The following NUP214 variants were observed in gnomAD, a reference collection of about 807,000 sequenced individuals.
NUP214 encodes the protein nuclear pore complex protein Nup214.
In NUP214, 79 loss-of-function variants were observed where a neutral mutation model predicts 196.2. The observed-to-expected ratio is 0.40, with a 90% CI of 0.34 to 0.49. The LOEUF is 0.49. Ranked by LOEUF, NUP214 falls within the 20% of genes least tolerant of loss-of-function variation. The pLI, the probability that NUP214 is intolerant of heterozygous loss-of-function variation, is 0.58. For synonymous variants in NUP214, 1,020 were observed against 990.5 expected, an observed-to-expected ratio of 1.03 and a Z score of -0.56; for missense variants, 2,468 against 2,539.0, an observed-to-expected ratio of 0.97 and a Z score of 0.60.
In NUP214 at chr9:131,233,955, C is replaced by T. The variant is rs1834946979; in HGVS notation, c.*468C>T. On this transcript the variant is annotated 3_prime_UTR_variant, in exon 36 of 36. Transcript: ENST00000359428. ...TGAGGCTGAAACTTGGTTATCTCCTCTCCTTGTTCTTTTAGCCATTGTGTA... is the reference window on the plus strand; with the variant it reads ...TGAGGCTGAAACTTGGTTATCTCCTTTCCTTGTTCTTTTAGCCATTGTGTA... 1 of 307,160 alleles carries T rather than the reference C, an allele frequency of 3.3e-6. No homozygotes were observed. The highest frequency in any genetic ancestry group is 5.3e-5 in the South Asian group (1 of 19,042). The allele number at this position is 307,160 out of a possible 1,614,324, so 19.0% of individuals were successfully genotyped here.
At chr9:131,135,135 G>C (rs1257042480) in intron 8 of NUP214, 131 bp downstream of exon 8, 1 of 658,860 alleles carries the variant, frequency 1.5e-6, no homozygotes, top group African/African-American at 1.8e-5. Flanking sequence ...CATTACCCAG[G>C]CTGGAGTGCA....
intron 30 of NUP214, among the ~76,000 whole-genome samples, chr9:131,213,367 G>A (rs558933408): frequency 2.0e-4 from 31 of 152,142 alleles, no homozygotes; most frequent in African/African-American, 7.5e-4. Flanking sequence ...TAGAGACAGG[G>A]TTTCTCCATG....
rs868242347 is a variant in NUP214 at position 131,162,800 on chromosome 9, A to G, written c.2541-191A>G. On this transcript the variant is annotated intron_variant, in intron 18 of 35. Coordinates refer to ENST00000359428, the MANE Select transcript of NUP214 (RefSeq NM_005085.4). ...GCCTGTTTCCAGCTGTTTTCTCCAC[A>G]TTCCATTTTATCTTCATTAGGCTTT... The G allele has an allele frequency of 7.1e-5, 43 of 601,996 alleles. No individual in the cohort carries two copies. In the Middle Eastern group the frequency reaches 1.3e-3, roughly 19 times the overall value. 37.3% of individuals were successfully genotyped at this position (601,996 alleles called of 1,614,324 possible).
At chr9:131,226,979 G>A (rs1044994754) in intron 32 of NUP214, among the ~76,000 whole-genome samples, 3 of 152,144 alleles carry the variant, frequency 2.0e-5, no homozygotes, top group African/African-American at 7.2e-5. Context: ...TTGTCGCTAG[G>A]CCACCATTAC....
intron 17 of NUP214, among the ~76,000 whole-genome samples, chr9:131,155,887 G>C (rs1355018537): frequency 6.6e-6 from 1 of 152,082 alleles, no homozygotes; most frequent in Non-Finnish European, 1.5e-5. Context: ...CTATAGGCTT[G>C]TAGTATAGTT....
intron 30 of NUP214, among the ~76,000 whole-genome samples, chr9:131,212,790 T>A (rs987259622): frequency 3.3e-5 from 5 of 152,224 alleles, no homozygotes; most frequent in Non-Finnish European, 7.3e-5. Context: ...TGGTTTTTTT[T>A]ATAGATTTAT....
Position 131,132,650 on chromosome 9 carries a change from C to T in NUP214, c.718C>T (p.Pro240Ser). The T allele has an allele frequency of 6.2e-7, 1 of 1,613,856 alleles. No homozygotes were observed. ...PCPPFYESDH[P>S]VRVLDVLWIG... Reference sequence around the variant, plus strand: ...TCCTCCGTTTTATGAGTCAGATCATCCTGTCAGAGGTAACAACTGCTTTTC... The same window carrying T: ...TCCTCCGTTTTATGAGTCAGATCATTCTGTCAGAGGTAACAACTGCTTTTC... The change falls in exon 6 of 36, where the codon CCT (proline) becomes TCT (serine). Residue 240 changes from proline (P) to serine (S), a missense_variant. Physicochemically the swap from Pro to Ser is moderately conservative, Grantham distance 74. Transcript: ENST00000359428.
intron 30 of NUP214, among the ~76,000 whole-genome samples, chr9:131,211,480 C>G (rs555481854): frequency 6.6e-6 from 1 of 152,112 alleles, no homozygotes; most frequent in Admixed American, 6.6e-5. Flanking sequence ...TGTCCTGTGG[C>G]GTTTCCCATG....
intron 7 of NUP214, among the ~76,000 whole-genome samples, 158 bp downstream of exon 7, chr9:131,133,367 C>T (rs369806877): frequency 3.5e-5 from 5 of 143,062 alleles, no homozygotes; most frequent in Admixed American, 2.9e-4. Flanking sequence ...TGCAGTGATG[C>T]GATCTCACCT....
chr9:131,126,002 G>A (rs1323229470), intron 1 of NUP214: 3 of 534,996 alleles, frequency 5.6e-6, no homozygotes, highest in East Asian at 3.4e-5. Context: ...CACAATAGTG[G>A]CAATAACTGC....
rs1831591492 is a variant in NUP214 at position 131,132,645 on chromosome 9, A to G, written c.713A>G (p.Asp238Gly). ...CCTTGTCCTCCGTTTTATGAGTCAG[A>G]TCATCCTGTCAGAGGTAACAACTGC... ...VIPCPPFYES[D>G]HPVRVLDVLW... Residue 238 changes from aspartate (D) to glycine (G), a missense_variant, in exon 6 of 36, where the codon GAT (aspartate) becomes GGT (glycine). Asp to Gly is a moderately conservative substitution (Grantham distance 94). Coordinates refer to ENST00000359428, the MANE Select transcript of NUP214 (RefSeq NM_005085.4). 1 of 1,613,924 alleles carries G rather than the reference A, an allele frequency of 6.2e-7. No homozygotes were observed. Among genetic ancestry groups the G allele is most frequent in the African/African-American group, 1.3e-5 (1 of 74,934 alleles).
rs1833961415 is a variant in NUP214, at chr9:131,202,312, TTTG to T, written c.5592+604_5592+606del. On this transcript the variant is annotated intron_variant, in intron 30 of 35. Transcript: ENST00000359428. ...AATACACTGTTTGGCTTTTGGGGGG[TTTG>T]TTGTTGTTTAACTTCTTAATCTAAG... 2.6e-5 allele frequency among the ~76,000 whole-genome samples: 4 copies of T among 151,920 alleles called. No homozygotes were observed. In the South Asian group the frequency reaches 8.4e-4, roughly 32 times the overall value.
In NUP214 at chr9:131,232,388, G is replaced by C. The variant is rs1834904586; in HGVS notation, c.6239+80G>C. On this transcript the variant is annotated intron_variant, in intron 35 of 35. Coordinates refer to ENST00000359428, the MANE Select transcript of NUP214 (RefSeq NM_005085.4). This position sits in a 1 kb window ranked among gnomAD's most constrained non-coding sequence, Gnocchi z 5.1. ...GAAGTGTGTGGATCTTGCTGGATTT[G>C]TGCATTTTCTTTTCGTTTTTTCCTG... 2 of 1,427,912 alleles carry C rather than the reference G, an allele frequency of 1.4e-6. No individual in the cohort carries two copies. The highest frequency in any genetic ancestry group is 2.9e-5 in the African/African-American group (2 of 70,130). 88.5% of individuals were successfully genotyped at this position (1,427,912 alleles called of 1,614,324 possible).
intron 27 of NUP214, among the ~76,000 whole-genome samples, chr9:131,194,939 T>C (rs1198447610): frequency 6.6e-6 from 1 of 152,170 alleles, no homozygotes; most frequent in African/African-American, 2.4e-5. Flanking sequence ...GCAGCTTTGC[T>C]CATCTTGCAA....
Position 131,129,371 on chromosome 9 carries a change from C to A in NUP214, c.486C>A (p.Pro162=). ...VIDMKWNPTV[P]SMVAVCLADG... is the part of the protein sequence containing the mutation. ...ATATGAAGTGGAACCCCACTGTCCCCTCCATGGTGGCAGTTTGTCTGGCTG... is the reference window on the plus strand; with the variant it reads ...ATATGAAGTGGAACCCCACTGTCCCATCCATGGTGGCAGTTTGTCTGGCTG... Residue 162 remains proline (P), a synonymous_variant, in exon 4 of 36, where the codon CCC becomes CCA. Coordinates refer to ENST00000359428, the MANE Select transcript of NUP214 (RefSeq NM_005085.4). 1 of 1,614,220 alleles carries A rather than the reference C, an allele frequency of 6.2e-7. No individual in the cohort carries two copies. Among genetic ancestry groups the A allele is most frequent in the Middle Eastern group, 1.6e-4 (1 of 6,062 alleles).
intron 25 of NUP214, 40 bp downstream of exon 25, chr9:131,187,404 TGAG>T: frequency 1.6e-6 from 2 of 1,269,008 alleles, no homozygotes; most frequent in Non-Finnish European, 1.1e-6. Flanking sequence ...TTTTTTTTTT[TGAG>T]ACAGAGTCTT....
intron 24 of NUP214, among the ~76,000 whole-genome samples, chr9:131,183,307 A>C (rs1010378617): frequency 1.3e-5 from 2 of 151,928 alleles, no homozygotes; most frequent in Non-Finnish European, 2.9e-5. Flanking sequence ...CTGGTCTCGA[A>C]CTCCTGACCT....
intron 17 of NUP214, chr9:131,159,026 C>G (rs1039772628): frequency 5.8e-6 from 1 of 172,040 alleles, no homozygotes. Flanking sequence ...AGCCACCACT[C>G]CTGGCCAATT....
rs1295027439 is a variant in NUP214 at position 131,174,249 on chromosome 9, C to T, written c.3088C>T (p.Pro1030Ser). ...RTPSIQPSLL[P>S]HAAPFAKSHL... Reference sequence around the variant, plus strand: ...TCCTTCCATCCAGCCCAGTCTCTTGCCCCATGCAGCACCTTTTGCTAAATC... The same window carrying T: ...TCCTTCCATCCAGCCCAGTCTCTTGTCCCATGCAGCACCTTTTGCTAAATC... The change falls in exon 22 of 36, where the codon CCC (proline) becomes TCC (serine). Residue 1030 changes from proline (P) to serine (S), a missense_variant. This residue lies in a region of NUP214 where 1,801 missense variants were observed against 1,779.4 expected (regional missense o/e 1.01). Transcript: ENST00000359428. 6.2e-7 allele frequency: 1 copy of T among 1,613,962 alleles called. No individual in the cohort carries two copies. Among genetic ancestry groups the T allele is most frequent in the Non-Finnish European group, 8.5e-7 (1 of 1,179,954 alleles).
Sources: allele counts gnomAD v4.1 joint callset (sites outside exome capture counted in the v4.1 genomes callset), GRCh38; gene constraint gnomAD v4.1.1; regional missense constraint gnomAD v4.1.1; non-coding constraint Gnocchi (gnomAD v3.1); transcripts MANE v1.5; gene names NCBI Gene and HGNC (gene_info 2026-07-23, HGNC 2026-07-21).